The following MYO16 variants were observed in gnomAD, a reference collection of about 807,000 sequenced individuals.
The protein encoded by MYO16 is myosin XVI.
Under a neutral mutation model 205.3 loss-of-function variants are expected in MYO16, and 94 were observed. That is an observed-to-expected ratio of 0.46 (90% CI 0.39 to 0.54). The LOEUF (loss-of-function observed/expected upper bound fraction) is 0.54. MYO16 is among the 20% of genes least tolerant of loss of function. The pLI, the probability that MYO16 is intolerant of heterozygous loss-of-function variation, is 0.00. For missense variants in MYO16, 2,315 were observed against 2,387.5 expected, an observed-to-expected ratio of 0.97 and a Z score of 0.63; for synonymous variants, 988 against 954.0, an observed-to-expected ratio of 1.04 and a Z score of -0.66.
Position 108,820,360 on chromosome 13 carries a change from G to A in MYO16, c.891G>A (p.Leu297=). 1 of 1,604,692 alleles carries A rather than the reference G, an allele frequency of 6.2e-7. No homozygotes were observed. The highest frequency in any genetic ancestry group is 8.5e-7 in the Non-Finnish European group (1 of 1,175,280). Residue 297 remains leucine, a synonymous_variant, in exon 8 of 35, where the codon CTG becomes CTA. Coordinates refer to ENST00000457511, the MANE Select transcript of MYO16 (RefSeq NM_001198950.3). The part of the protein sequence containing the change: ...YGQTNLVKLL[L]MHQANPHLVN... ...AGACAAATCTGGTGAAACTTCTCCTGATGCATCAGGCAAACCCACACCTCG... is the reference window on the plus strand; with the variant it reads ...AGACAAATCTGGTGAAACTTCTCCTAATGCATCAGGCAAACCCACACCTCG...
chr13:108,677,281 C>T (rs1315616011), intron 2 of MYO16, among the ~76,000 whole-genome samples: 1 of 149,314 alleles, frequency 6.7e-6, no homozygotes, highest in African/African-American at 2.5e-5. Flanking sequence ...TCAGAGTTCT[C>T]CAGAGAACTA....
At chr13:108,566,753 GGAAGGAA>G in the MYO16 span, among the ~76,000 whole-genome samples, 2 of 135,808 alleles carry the variant, frequency 1.5e-5, no homozygotes, top group Non-Finnish European at 3.1e-5. Flanking sequence ...AAGGAAGGAA[GGAAGGAA>G]GGAAGGAAGG....
intron 28 of MYO16, among the ~76,000 whole-genome samples, chr13:109,106,242 G>T (rs1266434288): frequency 1.3e-5 from 2 of 152,208 alleles, no homozygotes; most frequent in Admixed American, 1.3e-4. Flanking sequence ...TTGAAAACAA[G>T]TTAAATTAAG....
intron 10 of MYO16, among the ~76,000 whole-genome samples, chr13:108,845,166 A>G (rs1877455875): frequency 6.6e-6 from 1 of 152,220 alleles, no homozygotes; most frequent in African/African-American, 2.4e-5. Flanking sequence ...TTAATATTTT[A>G]TAGATATTTT....
chr13:108,798,394 T>C (rs1886856111), intron 6 of MYO16, among the ~76,000 whole-genome samples: 1 of 152,064 alleles, frequency 6.6e-6, no homozygotes, highest in African/African-American at 2.4e-5. Context: ...GGGTTTGGAG[T>C]TGCCTTTACC....
intron 10 of MYO16, among the ~76,000 whole-genome samples, chr13:108,853,672 C>T (rs982545771): frequency 2.7e-5 from 4 of 150,092 alleles, no homozygotes; most frequent in Non-Finnish European, 5.9e-5. Context: ...TCATGACTCA[C>T]GGCAGCCTCA....
chr13:108,746,518 G>T (rs1885068691), intron 4 of MYO16, among the ~76,000 whole-genome samples: 1 of 150,810 alleles, frequency 6.6e-6, no homozygotes, highest in South Asian at 2.1e-4. Context: ...ATGGCTAGAA[G>T]ATAAGAATTA....
Position 108,612,359 on chromosome 13 carries a change from C to A in MYO16, c.-39+16120C>A, listed in dbSNP as rs370325076. On this transcript the variant is annotated intron_variant, in intron 1 of 24. Coordinates refer to the MYO16 transcript ENST00000251041. Reference sequence around the variant, plus strand: ...TAATATCATTGAATCAAAGTTTTACCAAAGCTAATCATTTTAAGAAAATAT... The same window carrying A: ...TAATATCATTGAATCAAAGTTTTACAAAAGCTAATCATTTTAAGAAAATAT... Among the ~76,000 whole-genome samples the A allele has an allele frequency of 4.3e-4, 65 of 152,092 alleles. No homozygotes were observed. The South Asian group carries it at 7.5e-3, about 18-fold the overall frequency.
At chr13:108,717,263 T>G (rs1432216785) in intron 3 of MYO16, among the ~76,000 whole-genome samples, 2 of 152,122 alleles carry the variant, frequency 1.3e-5, no homozygotes, top group African/African-American at 2.4e-5. Context: ...GAACTACTCT[T>G]TCTTTGATCA....
rs202064465 is a variant in MYO16 at position 109,052,402 on chromosome 13, C to T, written c.2975C>T (p.Ser992Phe). ...YPSFKFRGHK[S>F]ALLSKKMTAS... Reference sequence around the variant, plus strand: ...TCCTTTAAATTCCGAGGACATAAGTCTGCCCTGCTCAGTAAGAAAATGACA... The same window carrying T: ...TCCTTTAAATTCCGAGGACATAAGTTTGCCCTGCTCAGTAAGAAAATGACA... The change falls in exon 25 of 35, where the codon TCT (serine) becomes TTT (phenylalanine). Residue 992 changes from serine to phenylalanine, a missense_variant. Around this residue, in one of 3 missense-constraint regions of MYO16, gnomAD observed 1,213 missense variants for 1,274.4 expected, o/e 0.95. Transcript: ENST00000457511. 1.9e-5 allele frequency: 31 copies of T among 1,612,588 alleles called. No homozygotes were observed. The highest frequency in any genetic ancestry group is 2.5e-5 in the Non-Finnish European group (29 of 1,178,816).
chr13:108,962,772 T>C (rs867072110), intron 19 of MYO16, among the ~76,000 whole-genome samples: 53 of 152,216 alleles, frequency 3.5e-4, no homozygotes, highest in African/African-American at 1.3e-3. Context: ...AAAGAAAATA[T>C]TGGATCCATT....
intron 1 of MYO16, among the ~76,000 whole-genome samples, chr13:108,602,343 T>C (rs1878796801): frequency 6.6e-6 from 1 of 152,190 alleles, no homozygotes; most frequent in Non-Finnish European, 1.5e-5. Flanking sequence ...TTTGGTTCTT[T>C]GTAGGCTGTT....
intron 28 of MYO16, among the ~76,000 whole-genome samples, chr13:109,113,469 T>G (rs1247956178): frequency 2.6e-5 from 4 of 152,140 alleles, no homozygotes; most frequent in Non-Finnish European, 5.9e-5. Flanking sequence ...CTAAATAATT[T>G]TAGACAAGAA....
chr13:108,932,663 A>G (rs940372919), intron 16 of MYO16, among the ~76,000 whole-genome samples: 2 of 152,160 alleles, frequency 1.3e-5, no homozygotes, highest in Non-Finnish European at 2.9e-5. Flanking sequence ...TATCTACCCA[A>G]GATAAGTTTC....
chr13:109,048,740 T>C (rs1887136043), intron 24 of MYO16: 2 of 159,272 alleles, frequency 1.3e-5, no homozygotes, highest in African/African-American at 4.8e-5. Flanking sequence ...TATTTGCAGG[T>C]ACTTTGCTTA....
At chr13:108,774,842 G>A (rs1241353181) in intron 4 of MYO16, among the ~76,000 whole-genome samples, 1 of 152,102 alleles carries the variant, frequency 6.6e-6, no homozygotes, top group Non-Finnish European at 1.5e-5. Context: ...CTTACATCAT[G>A]AGAAAGTATA....
intron 23 of MYO16, among the ~76,000 whole-genome samples, chr13:109,023,704 T>TATATATACAAATATATGTATATATGC (rs1177705796): frequency 0.083 from 8,640 of 104,066 alleles, 487 homozygotes; most frequent in Middle Eastern, 0.17. Context: ...TGTATATATG[T>TATATATACAAATATATGTATATATGC]ATATATACAA....
intron 2 of MYO16, among the ~76,000 whole-genome samples, chr13:108,685,703 C>G (rs534998659): frequency 2.0e-5 from 3 of 152,162 alleles, no homozygotes; most frequent in Non-Finnish European, 4.4e-5. Flanking sequence ...GCAGCTTATA[C>G]AGCAGGCATT....
chr13:108,951,885 C>T (rs1223328786), intron 16 of MYO16, among the ~76,000 whole-genome samples: 2 of 152,094 alleles, frequency 1.3e-5, no homozygotes, highest in Non-Finnish European at 2.9e-5. Flanking sequence ...GGCCAGATCA[C>T]CTGAGGTCAG....
Sources: allele counts gnomAD v4.1 joint callset (sites outside exome capture counted in the v4.1 genomes callset), GRCh38; gene constraint gnomAD v4.1.1; regional missense constraint gnomAD v4.1.1; transcripts MANE v1.5; gene names NCBI Gene and HGNC (gene_info 2026-07-23, HGNC 2026-07-21).